The following TLX3 variants were observed in gnomAD, a reference collection of about 807,000 sequenced individuals.
TLX3 encodes T-cell leukemia homeobox protein 3.
TLX3 carries 11 observed loss-of-function variants against 19.6 expected under a neutral mutation model. That is an observed-to-expected ratio of 0.56 (90% CI 0.35 to 0.93). The LOEUF (loss-of-function observed/expected upper bound fraction) is 0.93. Ranked by LOEUF, TLX3 falls within the 40% of genes least tolerant of loss-of-function variation. The probability of loss-of-function intolerance (pLI) is 0.01; values close to 1 mark genes in which losing one functional copy is unlikely to be tolerated. For missense variants in TLX3, 375 were observed against 418.6 expected, an observed-to-expected ratio of 0.90 and a Z score of 0.91; for synonymous variants, 221 against 188.1, an observed-to-expected ratio of 1.17 and a Z score of -1.43.
chr5:171,309,483 G>C lies in TLX3; in HGVS notation c.118G>C (p.Gly40Arg), dbSNP rs765665907. The C allele has an allele frequency of 6.9e-6, 11 of 1,588,604 alleles. No homozygotes were observed. In the South Asian group the frequency reaches 1.0e-4, roughly 15 times the overall value. ...DSAPAPRGPD[G>R]ASYLGGPPGG... Reference sequence around the variant, plus strand: ...CGCACCCGCCCCGCGGGGCCCCGACGGCGCCAGCTACCTGGGAGGGCCCCC... The same window carrying C: ...CGCACCCGCCCCGCGGGGCCCCGACCGCGCCAGCTACCTGGGAGGGCCCCC... Residue 40 changes from glycine to arginine, a missense_variant, in exon 1 of 3, where the codon GGC (glycine) becomes CGC (arginine). Around this residue, in one of 3 missense-constraint regions of TLX3, gnomAD observed 239 missense variants for 217.0 expected, o/e 1.10. Coordinates refer to ENST00000296921, the MANE Select transcript of TLX3 (RefSeq NM_021025.4).
chr5:171,310,071 G>T, intron 1 of TLX3, 79 bp from the exon 2 acceptor site: 7 of 1,474,244 alleles, frequency 4.7e-6, no homozygotes, highest in Non-Finnish European at 6.3e-6. Flanking sequence ...GTGTCCCACG[G>T]GGCGCCACGG....
rs1213123410 is a variant in TLX3 at position 171,311,954 on chromosome 5, T to A, written c.*355T>A. The A allele has an allele frequency of 2.0e-5, 4 of 202,820 alleles. No homozygotes were observed. Among genetic ancestry groups the A allele is most frequent in the Non-Finnish European group, 4.1e-5 (4 of 98,746 alleles). The allele number at this position is 202,820 out of a possible 1,614,324, so 12.6% of individuals were successfully genotyped here. A position where few individuals can be genotyped will look rare whatever the true frequency, so the allele number is the denominator to read the frequency against. ...AAATAATAAAAAAGTTTTGGCTTTT[T>A]TCTTTAGAAACCGGCCACCTGCTTC... is the stretch of plus-strand genomic sequence containing the variant. On this transcript the variant is annotated 3_prime_UTR_variant, in exon 3 of 3. Coordinates refer to ENST00000296921, the MANE Select transcript of TLX3 (RefSeq NM_021025.4). The surrounding 1 kb of genome is among the most constrained non-coding windows in gnomAD (Gnocchi z 5.1).
In TLX3 at chr5:171,311,747, C is replaced by A. The variant is rs972688049; in HGVS notation, c.*148C>A. 3.7e-6 allele frequency: 2 copies of A among 547,012 alleles called. No individual in the cohort carries two copies. Among genetic ancestry groups the A allele is most frequent in the African/African-American group, 2.0e-5 (1 of 49,288 alleles). 33.9% of individuals were successfully genotyped at this position (547,012 alleles called of 1,614,324 possible). On this transcript the variant is annotated 3_prime_UTR_variant, in exon 3 of 3. Transcript: ENST00000296921. This position sits in a 1 kb window ranked among gnomAD's most constrained non-coding sequence, Gnocchi z 5.1. The stretch of plus-strand genomic sequence containing the variant: ...GCCCCAGGGCGCGGCCACAGACTGG[C>A]GGGCCGCGGAAGGGGGTAGGGCCCG...
At position 171,311,142 on chromosome 5, in the gene TLX3, G is replaced by C. The variant is rs977163549; in HGVS notation, c.666-247G>C. Among the ~76,000 whole-genome samples, 1 of 152,168 alleles carries C rather than the reference G, an allele frequency of 6.6e-6. No individual in the cohort carries two copies. The highest frequency in any genetic ancestry group is 2.4e-5 in the African/African-American group (1 of 41,460). On this transcript the variant is annotated intron_variant, in intron 2 of 2. Coordinates refer to ENST00000296921, the MANE Select transcript of TLX3 (RefSeq NM_021025.4). The surrounding 1 kb of genome is among the most constrained non-coding windows in gnomAD (Gnocchi z 5.1). ...TATTGTTGGTGAAGCCACAATACCC[G>C]GGCGTGCAGGTGGGCGGCGGGCAGA... is the stretch of plus-strand genomic sequence containing the variant.
In TLX3 at chr5:171,309,290, C is replaced by T. The variant is rs554226016; in HGVS notation, c.-76C>T. ...TTTCAGTGCGACGAGAGGCGCCGGG[C>T]GCTCCATGGCCGCGCCGTAACGGGG... is the stretch of plus-strand genomic sequence containing the variant. On this transcript the variant is annotated 5_prime_UTR_variant, in exon 1 of 3. Coordinates refer to ENST00000296921, the MANE Select transcript of TLX3 (RefSeq NM_021025.4). 1.3e-4 allele frequency: 163 copies of T among 1,253,460 alleles called. No homozygotes were observed. Among genetic ancestry groups the T allele is most frequent in the Admixed American group, 3.9e-4 (12 of 30,476 alleles). The allele number at this position is 1,253,460 out of a possible 1,614,324, so 77.6% of individuals were successfully genotyped here.
rs1200593891 is a variant in TLX3, at chr5:171,311,107, G to A, written c.666-282G>A. On this transcript the variant is annotated intron_variant, in intron 2 of 2. Transcript: ENST00000296921. This position sits in a 1 kb window ranked among gnomAD's most constrained non-coding sequence, Gnocchi z 5.1. ...CCCTGCCCTTGCTATCTGGCGAAAG[G>A]AACAATCTTTATTGTTGGTGAAGCC... Among the ~76,000 whole-genome samples the A allele has an allele frequency of 6.6e-6, 1 of 152,160 alleles. No homozygotes were observed. The highest frequency in any genetic ancestry group is 1.5e-5 in the Non-Finnish European group (1 of 68,020).
rs1205686234 is a variant in TLX3, at chr5:171,311,806, C to T, written c.*207C>T. 2.6e-5 allele frequency: 10 copies of T among 384,338 alleles called. No homozygotes were observed. The highest frequency in any genetic ancestry group is 4.1e-5 in the Non-Finnish European group (9 of 219,118). 23.8% of individuals were successfully genotyped at this position (384,338 alleles called of 1,614,324 possible). Reference sequence around the variant, plus strand: ...GCGGCCGCACAATCCGAGCCCCCGCCCCGCGCCCCGTCCCGCCCCAGGCCC... The same window carrying T: ...GCGGCCGCACAATCCGAGCCCCCGCTCCGCGCCCCGTCCCGCCCCAGGCCC... On this transcript the variant is annotated 3_prime_UTR_variant, in exon 3 of 3. Transcript: ENST00000296921. The surrounding 1 kb of genome is among the most constrained non-coding windows in gnomAD (Gnocchi z 5.1).
In TLX3 at chr5:171,311,285, G is replaced by A. The variant is rs897434191; in HGVS notation, c.666-104G>A. 7 of 1,010,358 alleles carry A rather than the reference G, an allele frequency of 6.9e-6. No homozygotes were observed. The highest frequency in any genetic ancestry group is 2.7e-5 in the East Asian group (1 of 37,236). 62.6% of individuals were successfully genotyped at this position (1,010,358 alleles called of 1,614,324 possible). On this transcript the variant is annotated intron_variant, in intron 2 of 2. Coordinates refer to ENST00000296921, the MANE Select transcript of TLX3 (RefSeq NM_021025.4). This position sits in a 1 kb window ranked among gnomAD's most constrained non-coding sequence, Gnocchi z 5.1. ...GGGAGGCAGACGGGTTCTGCGCCTC[G>A]AGGCTCCCGGATGGCCTCGGCTCCC...
intron 1 of TLX3, 98 bp from the exon 2 acceptor site, chr5:171,310,052 G>A (rs1192718156): frequency 3.4e-6 from 5 of 1,454,554 alleles, no homozygotes; most frequent in Non-Finnish European, 4.5e-6. Flanking sequence ...CGAAATAGCG[G>A]AGCTCTCCGT....
Position 171,310,352 on chromosome 5 carries a change from G to A in TLX3, c.624G>A (p.Ala208=). The part of the protein sequence containing the change: ...ALAKSLKMTD[A]QVKTWFQNRR... ...CCAAGTCCCTCAAAATGACGGACGCGCAGGTCAAGACCTGGTTCCAAAACC... is the reference window on the plus strand; with the variant it reads ...CCAAGTCCCTCAAAATGACGGACGCACAGGTCAAGACCTGGTTCCAAAACC... The change falls in exon 2 of 3, where the codon GCG becomes GCA. Residue 208 remains alanine, a synonymous_variant. Coordinates refer to ENST00000296921, the MANE Select transcript of TLX3 (RefSeq NM_021025.4). 6.2e-7 allele frequency: 1 copy of A among 1,613,620 alleles called. No homozygotes were observed. Among genetic ancestry groups the A allele is most frequent in the Non-Finnish European group, 8.5e-7 (1 of 1,179,840 alleles).
chr5:171,309,440 C>T lies in TLX3; in HGVS notation c.75C>T (p.Asn25=), dbSNP rs746519532. The T allele has an allele frequency of 1.3e-6, 2 of 1,589,230 alleles. No individual in the cohort carries two copies. Among genetic ancestry groups the T allele is most frequent in the African/African-American group, 2.7e-5 (2 of 73,152 alleles). ...PISFGIDQIL[N]SPDQDSAPAP... ...GCTTCGGCATCGACCAGATCCTTAA[C>T]AGCCCGGACCAGGACAGCGCACCCG... is the stretch of plus-strand genomic sequence containing the variant. The change falls in exon 1 of 3, where the codon AAC becomes AAT. Residue 25 remains asparagine (N), a synonymous_variant. Coordinates refer to ENST00000296921, the MANE Select transcript of TLX3 (RefSeq NM_021025.4).
At position 171,311,136 on chromosome 5, in the gene TLX3, A is replaced by G. The variant is rs923885476; in HGVS notation, c.666-253A>G. Among the ~76,000 whole-genome samples the G allele has an allele frequency of 6.6e-6, 1 of 152,126 alleles. No individual in the cohort carries two copies. The highest frequency in any genetic ancestry group is 2.4e-5 in the African/African-American group (1 of 41,440). On this transcript the variant is annotated intron_variant, in intron 2 of 2. Transcript: ENST00000296921. The surrounding 1 kb of genome is among the most constrained non-coding windows in gnomAD (Gnocchi z 5.1). ...AATCTTTATTGTTGGTGAAGCCACA[A>G]TACCCGGGCGTGCAGGTGGGCGGCG...
At chr5:171,310,783 C>A (rs1443019085) in intron 2 of TLX3, among the ~76,000 whole-genome samples, 2 of 139,702 alleles carry the variant, frequency 1.4e-5, no homozygotes, top group African/African-American at 5.2e-5. Context: ...TCGCACTCTC[C>A]TTCTCCTCCT....
At position 171,309,716 on chromosome 5, in the gene TLX3, C is replaced by A; in HGVS notation, c.351C>A (p.Val117=). ...CCGCCATGCCCTCCGTGCCCACGGTCTCCAGCCTTGGCGGTCTCAATTTCC... is the reference window on the plus strand; with the variant it reads ...CCGCCATGCCCTCCGTGCCCACGGTATCCAGCCTTGGCGGTCTCAATTTCC... ...ALPAMPSVPT[V]SSLGGLNFPW... The change falls in exon 1 of 3, where the codon GTC becomes GTA. Residue 117 remains valine, a synonymous_variant. Coordinates refer to ENST00000296921, the MANE Select transcript of TLX3 (RefSeq NM_021025.4). The A allele has an allele frequency of 6.2e-7, 1 of 1,611,430 alleles. No homozygotes were observed. The highest frequency in any genetic ancestry group is 8.5e-7 in the Non-Finnish European group (1 of 1,179,350).
Position 171,310,449 on chromosome 5 carries a change from G to A in TLX3, c.665+56G>A, listed in dbSNP as rs372437960. On this transcript the variant is annotated intron_variant, in intron 2 of 2. Transcript: ENST00000296921. ...ACCTGCCCTTCACCTGTCCCGCCCC[G>A]AGCCGCAGCCTCGCACTAGCCCTAT... The A allele has an allele frequency of 7.1e-4, 1,130 of 1,589,718 alleles. 28 individuals are homozygous for A. The South Asian group carries it at 0.012, about 17-fold the overall frequency.
Position 171,309,351 on chromosome 5 carries a change from T to TAC in TLX3, c.-15_-14insAC. 1 of 730,510 alleles carries TAC rather than the reference T, an allele frequency of 1.4e-6. No individual in the cohort carries two copies. Among genetic ancestry groups the TAC allele is most frequent in the East Asian group, 6.4e-5 (1 of 15,582 alleles). 45.3% of individuals were successfully genotyped at this position (730,510 alleles called of 1,614,324 possible). The stretch of plus-strand genomic sequence containing the variant: ...CTCCCCGCCCAGCCCAGCCCAGCCC[T>TAC]TCCGCCCGCCCAGGATGGAGGCGCC... On this transcript the variant is annotated 5_prime_UTR_variant, in exon 1 of 3. Coordinates refer to ENST00000296921, the MANE Select transcript of TLX3 (RefSeq NM_021025.4).
intron 2 of TLX3, 43 bp downstream of exon 2, chr5:171,310,436 C>A: frequency 1.3e-6 from 2 of 1,590,310 alleles, no homozygotes; most frequent in South Asian, 1.1e-5. Context: ...CTGCCCTTCA[C>A]CTGTCCCGCC....
chr5:171,309,289 G>T lies in TLX3; in HGVS notation c.-77G>T, dbSNP rs1769173481. On this transcript the variant is annotated 5_prime_UTR_variant, in exon 1 of 3. Coordinates refer to ENST00000296921, the MANE Select transcript of TLX3 (RefSeq NM_021025.4). The stretch of plus-strand genomic sequence containing the variant: ...GTTTCAGTGCGACGAGAGGCGCCGG[G>T]CGCTCCATGGCCGCGCCGTAACGGG... 1 of 1,252,842 alleles carries T rather than the reference G, an allele frequency of 8.0e-7. No homozygotes were observed. The highest frequency in any genetic ancestry group is 3.3e-5 in the Admixed American group (1 of 30,138). The allele number at this position is 1,252,842 out of a possible 1,614,324, so 77.6% of individuals were successfully genotyped here. A position where few individuals can be genotyped will look rare whatever the true frequency, so the allele number is the denominator to read the frequency against.
chr5:171,310,982 C>T (rs1195339807), intron 2 of TLX3, among the ~76,000 whole-genome samples: 1 of 152,150 alleles, frequency 6.6e-6, no homozygotes, highest in Admixed American at 6.5e-5. Flanking sequence ...ATGAGACTGA[C>T]CCAGCCCCCG....
Sources: gnomAD v4.1 joint callset for allele counts (sites outside exome capture counted in the v4.1 genomes callset) on GRCh38, gnomAD v4.1.1 for gene constraint, gnomAD v4.1.1 regional missense constraint, Gnocchi (gnomAD v3.1) non-coding constraint, MANE v1.5 for transcripts, NCBI Gene and HGNC (gene_info 2026-07-23, HGNC 2026-07-21) for gene names.